The following SSH2 variants were observed in gnomAD, a reference collection of about 807,000 sequenced individuals.
SSH2 encodes protein phosphatase Slingshot homolog 2.
Under a neutral mutation model 135.2 loss-of-function variants are expected in SSH2, and 37 were observed. The ratio of observed to expected loss-of-function variants is 0.27; its 90% CI spans 0.21 to 0.36. SSH2 has a LOEUF of 0.36. Ranked by LOEUF, SSH2 falls within the 10% of genes least tolerant of loss-of-function variation. The pLI is 1.00. For synonymous variants in SSH2, 628 were observed against 646.2 expected (o/e 0.97, Z 0.43); for missense variants, 1,408 against 1,765.3 (o/e 0.80, Z 3.63).
chr17:29,658,633 C>T (rs925058127), intron 11 of SSH2, among the ~76,000 whole-genome samples: 7 of 152,108 alleles, frequency 4.6e-5, no homozygotes, highest in Non-Finnish European at 7.4e-5. Context: ...CTCTGGAGGC[C>T]GAGGCAGACG....
At position 29,705,078 on chromosome 17, in the gene SSH2, C is replaced by T. The variant is rs542201835; in HGVS notation, c.189-2016G>A. 3.0e-4 allele frequency among the ~76,000 whole-genome samples: 46 copies of T among 152,304 alleles called. No homozygotes were observed. The South Asian group carries it at 8.7e-3, about 29-fold the overall frequency. ...AATCTCTGGCCTCGTTCTCCAGCCTCATTCTCCCAGTTGTTTAGGCAAAAC... is the reference window on the plus strand; with the variant it reads ...AATCTCTGGCCTCGTTCTCCAGCCTTATTCTCCCAGTTGTTTAGGCAAAAC... On this transcript the variant is annotated intron_variant, in intron 3 of 15. Transcript: ENST00000540801.
At chr17:29,653,647 C>T (rs2036666561) in intron 12 of SSH2, among the ~76,000 whole-genome samples, 1 of 152,038 alleles carries the variant, frequency 6.6e-6, no homozygotes, top group Non-Finnish European at 1.5e-5. Context: ...AGTGCAGTGG[C>T]ATGATCTCAG....
chr17:29,888,362 A>G (rs1316717101), intron 1 of SSH2, among the ~76,000 whole-genome samples: 1 of 152,172 alleles, frequency 6.6e-6, no homozygotes, highest in Non-Finnish European at 1.5e-5. Flanking sequence ...AGGAATCTTT[A>G]TGGTTCCATT....
chr17:29,841,044 T>C (rs2043032478), intron 2 of SSH2, among the ~76,000 whole-genome samples: 1 of 152,110 alleles, frequency 6.6e-6, no homozygotes, highest in African/African-American at 2.4e-5. Context: ...CAAAATCACA[T>C]GGTCAAGAAG....
At chr17:29,852,077 T>C (rs1048213807) in intron 1 of SSH2, among the ~76,000 whole-genome samples, 1 of 151,830 alleles carries the variant, frequency 6.6e-6, no homozygotes, top group Non-Finnish European at 1.5e-5. Flanking sequence ...AGGTCAGGAG[T>C]TCGAGACCAG....
At chr17:29,761,579 G>A (rs896903207) in intron 3 of SSH2, 2 of 279,828 alleles carry the variant, frequency 7.1e-6, no homozygotes, top group African/African-American at 4.6e-5. Flanking sequence ...CAGCCTTTAG[G>A]GCATCCGGCG....
intron 1 of SSH2, among the ~76,000 whole-genome samples, chr17:29,874,208 G>A (rs1051218968): frequency 3.4e-5 from 5 of 147,238 alleles, no homozygotes; most frequent in African/African-American, 7.5e-5. Context: ...TGGGAGGATC[G>A]CTTGAGCCTG....
chr17:29,669,352 G>A (rs2037401059), intron 9 of SSH2, among the ~76,000 whole-genome samples: 2 of 152,186 alleles, frequency 1.3e-5, no homozygotes, highest in Non-Finnish European at 2.9e-5. Flanking sequence ...CACCAGATGT[G>A]TATCCCATAT....
chr17:29,724,571 A>T (rs1387454503), intron 3 of SSH2, among the ~76,000 whole-genome samples: 2 of 137,866 alleles, frequency 1.5e-5, no homozygotes, highest in Admixed American at 1.4e-4. Context: ...AAGGACCCAG[A>T]TTACCAAATC....
rs1029471860 is a variant in SSH2, at chr17:29,627,279, T to G, written c.*3562A>C. On this transcript the variant is annotated 3_prime_UTR_variant, in exon 16 of 16. Transcript: ENST00000540801. ...TAAAAGTGACTTTTTGCATAATGCT[T>G]TCTTAAAAAAAGAACTCTCACAAAA... The G allele has an allele frequency of 6.6e-6, 1 of 152,662 alleles. No individual in the cohort carries two copies. The highest frequency in any genetic ancestry group is 2.4e-5 in the African/African-American group (1 of 41,448). 9.5% of individuals were successfully genotyped at this position (152,662 alleles called of 1,614,324 possible). A position where few individuals can be genotyped will look rare whatever the true frequency, so the allele number is the denominator to read the frequency against.
At chr17:29,652,580 C>T (rs564080958) in intron 12 of SSH2, among the ~76,000 whole-genome samples, 3 of 152,202 alleles carry the variant, frequency 2.0e-5, no homozygotes, top group South Asian at 4.1e-4. Flanking sequence ...AAAGGCAACA[C>T]TCCAGCCTGG....
chr17:29,879,895 C>A (rs1015470589), intron 1 of SSH2, among the ~76,000 whole-genome samples: 3 of 151,918 alleles, frequency 2.0e-5, no homozygotes, highest in Admixed American at 6.6e-5. Context: ...AATTTTGACA[C>A]CTAAAGATGT....
intron 12 of SSH2, among the ~76,000 whole-genome samples, chr17:29,652,873 G>A (rs893853741): frequency 5.3e-5 from 8 of 152,090 alleles, no homozygotes; most frequent in Non-Finnish European, 1.2e-4. Context: ...GGCCAGGCTG[G>A]TCTCAAACTC....
chr17:29,747,482 T>C (rs991042629), intron 3 of SSH2, among the ~76,000 whole-genome samples: 2 of 152,190 alleles, frequency 1.3e-5, no homozygotes, highest in African/African-American at 2.4e-5. Flanking sequence ...GAGCCCAGAT[T>C]TGCCCTTTGG....
At chr17:29,670,818 A>G (rs1265521193) in intron 9 of SSH2, among the ~76,000 whole-genome samples, 8 of 152,068 alleles carry the variant, frequency 5.3e-5, no homozygotes, top group Non-Finnish European at 1.2e-4. Flanking sequence ...AAAACCCAAA[A>G]ACCATGAACT....
intron 2 of SSH2, among the ~76,000 whole-genome samples, chr17:29,804,253 C>T (rs1012165639): frequency 6.6e-6 from 1 of 152,060 alleles, no homozygotes; most frequent in African/African-American, 2.4e-5. Context: ...AACTTTCTTC[C>T]CTATAATTTT....
intron 3 of SSH2, among the ~76,000 whole-genome samples, chr17:29,704,863 C>T (rs3115089): frequency 0.42 from 63,873 of 151,940 alleles, 15,203 homozygotes; most frequent in East Asian, 0.69. Flanking sequence ...ACTTAACTCA[C>T]AAATAGCCAA....
rs199652415 is a variant in SSH2 at position 29,835,717 on chromosome 17, A to G, written c.144+13132T>C. 4.6e-5 allele frequency among the ~76,000 whole-genome samples: 7 copies of G among 152,202 alleles called. No homozygotes were observed. In the East Asian group the frequency reaches 1.3e-3, roughly 29 times the overall value. On this transcript the variant is annotated intron_variant, in intron 2 of 15. Coordinates refer to ENST00000540801, the MANE Select transcript of SSH2 (RefSeq NM_001282129.2). ...GGAGCTGTGTCTCTCTCTATAATTT[A>G]TTGAAATTCATATACTGTTTATAGC...
intron 5 of SSH2, among the ~76,000 whole-genome samples, chr17:29,686,590 G>A (rs2038233736): frequency 6.6e-6 from 1 of 150,766 alleles, no homozygotes; most frequent in African/African-American, 2.4e-5. Context: ...GGCTGGTCTC[G>A]AACTCTGAAC....
Sources: allele counts gnomAD v4.1 joint callset (sites outside exome capture counted in the v4.1 genomes callset), GRCh38; gene constraint gnomAD v4.1.1; transcripts MANE v1.5; gene names NCBI Gene and HGNC (gene_info 2026-07-23, HGNC 2026-07-21).